DHRS11: variants seen among roughly 807,000 people sequenced by gnomAD.
DHRS11 encodes dehydrogenase/reductase SDR family member 11.
DHRS11 carries 18 observed loss-of-function variants against 30.7 expected under a neutral mutation model. The ratio of observed to expected loss-of-function variants is 0.59; its 90% CI spans 0.41 to 0.87. The LOEUF is 0.87. Among genes scored for constraint, DHRS11 ranks in the 40% least tolerant of loss-of-function variants. The pLI, the probability that DHRS11 is intolerant of heterozygous loss-of-function variation, is 0.00. For synonymous variants in DHRS11, 123 were observed against 139.6 expected (o/e 0.88, Z 0.84); for missense variants, 300 against 349.0 (o/e 0.86, Z 1.12).
chr17:36,597,027 C>G, intron 2 of DHRS11: 2 of 380,566 alleles, frequency 5.3e-6, no homozygotes, highest in South Asian at 2.0e-5. Flanking sequence ...TTATCTGAGT[C>G]TATTAGGATC....
Position 36,598,163 on chromosome 17 carries a change from G to A in DHRS11, c.358G>A (p.Val120Met), listed in dbSNP as rs146450738. The A allele has an allele frequency of 3.0e-5, 49 of 1,613,920 alleles. No individual in the cohort carries two copies. The highest frequency in any genetic ancestry group is 3.9e-5 in the Non-Finnish European group (46 of 1,179,976). ...CCTCATTGCCCTCCCTGGCCTGCAG[G>A]TGAACGTGCTGGCCCTCAGCATCTG... is the stretch of plus-strand genomic sequence containing the variant. ...STSGWKDMFN[V>M]NVLALSICTR... The change falls in exon 3 of 7, where the codon GTG becomes ATG. Residue 120 changes from valine to methionine, a missense_variant and splice_region_variant. Coordinates refer to ENST00000618403, the MANE Select transcript of DHRS11 (RefSeq NM_024308.4).
intron 1 of DHRS11, among the ~76,000 whole-genome samples, chr17:36,593,621 G>A (rs1276977507): frequency 2.0e-5 from 3 of 152,202 alleles, no homozygotes; most frequent in African/African-American, 7.2e-5. Flanking sequence ...TCAAATGTGG[G>A]TAAAATCTGG....
At chr17:36,595,764 G>A (rs187892412) in intron 2 of DHRS11, among the ~76,000 whole-genome samples, 86 of 152,220 alleles carry the variant, frequency 5.6e-4, no homozygotes, top group Non-Finnish European at 1.1e-3. Flanking sequence ...CCTTGTGTTA[G>A]AAGAAAGATT....
chr17:36,599,676 C>A lies in DHRS11; in HGVS notation c.588C>A (p.Ile196=). 6.2e-7 allele frequency: 1 copy of A among 1,614,206 alleles called. No individual in the cohort carries two copies. Among genetic ancestry groups the A allele is most frequent in the South Asian group, 1.1e-5 (1 of 91,084 alleles). Residue 196 remains isoleucine, a synonymous_variant, in exon 5 of 7, where the codon ATC becomes ATA. Coordinates refer to ENST00000618403, the MANE Select transcript of DHRS11 (RefSeq NM_024308.4). ...EAQTHIRATC[I]SPGVVETQFA... ...GGCCCTCTCTGTTGGCCCAGTGCAT[C>A]TCTCCAGGTGTGGTGGAGACACAAT... is the stretch of plus-strand genomic sequence containing the variant.
Position 36,600,680 on chromosome 17 carries a change from A to G in DHRS11, c.*477A>G, listed in dbSNP as rs2074853343. 2 of 204,770 alleles carry G rather than the reference A, an allele frequency of 9.8e-6. No homozygotes were observed. The highest frequency in any genetic ancestry group is 1.0e-5 in the Non-Finnish European group (1 of 100,182). 12.7% of individuals were successfully genotyped at this position (204,770 alleles called of 1,614,324 possible). ...TATCTCCTTCTCGGCTCCCCAGCCC[A>G]GTCTTGGCTTCTTGTCCCCTCCTGG... On this transcript the variant is annotated 3_prime_UTR_variant, in exon 7 of 7. Transcript: ENST00000618403.
Position 36,599,746 on chromosome 17 carries a change from A to G in DHRS11, c.658A>G (p.Thr220Ala). 2 of 1,614,134 alleles carry G rather than the reference A, an allele frequency of 1.2e-6. No homozygotes were observed. Among genetic ancestry groups the G allele is most frequent in the Admixed American group, 1.7e-5 (1 of 60,018 alleles). ...CAAGGACCCTGAGAAGGCAGCTGCC[A>G]CCTATGAGCAAATGAAGGTGGGGCC... ...HDKDPEKAAA[T>A]YEQMKCLKPE... Residue 220 changes from threonine (T) to alanine (A), a missense_variant, in exon 5 of 7, where the codon ACC (threonine) becomes GCC (alanine). By Grantham distance (58) the Thr-to-Ala change is moderately conservative. Coordinates refer to ENST00000618403, the MANE Select transcript of DHRS11 (RefSeq NM_024308.4).
At position 36,592,688 on chromosome 17, in the gene DHRS11, G is replaced by A. The variant is rs930968850; in HGVS notation, c.147+532G>A. 3.3e-5 allele frequency among the ~76,000 whole-genome samples: 5 copies of A among 152,220 alleles called. No individual in the cohort carries two copies. The highest frequency in any genetic ancestry group is 7.3e-5 in the Non-Finnish European group (5 of 68,040). On this transcript the variant is annotated intron_variant, in intron 1 of 6. Coordinates refer to ENST00000618403, the MANE Select transcript of DHRS11 (RefSeq NM_024308.4). The surrounding 1 kb of genome is among the most constrained non-coding windows in gnomAD (Gnocchi z 4.4). ...GGGCCCTCCTCCACTCTCCTGGGGC[G>A]AACAGAGTGGGTGAAATCGGGCGGA...
At chr17:36,599,366 G>A (rs2074837161) in intron 4 of DHRS11, 7 of 553,144 alleles carry the variant, frequency 1.3e-5, no homozygotes, top group East Asian at 6.1e-5. Flanking sequence ...CTTGAAGGCC[G>A]CATGATCGTG....
Position 36,592,187 on chromosome 17 carries a change from G to C in DHRS11, c.147+31G>C. ...GCCGGGCCGAGGGCGGGGACGTCGC[G>C]GGCGGGTCGTTTCCCCGGAGTCGGG... On this transcript the variant is annotated intron_variant, in intron 1 of 6. Transcript: ENST00000618403. This position sits in a 1 kb window ranked among gnomAD's most constrained non-coding sequence, Gnocchi z 4.4. 1.6e-6 allele frequency: 2 copies of C among 1,257,088 alleles called. No homozygotes were observed. Among genetic ancestry groups the C allele is most frequent in the South Asian group, 3.6e-5 (1 of 27,510 alleles). 77.9% of individuals were successfully genotyped at this position (1,257,088 alleles called of 1,614,324 possible).
chr17:36,598,538 G>A, intron 3 of DHRS11: 1 of 542,610 alleles, frequency 1.8e-6, no homozygotes, highest in Non-Finnish European at 3.3e-6. Flanking sequence ...CCACCTCATG[G>A]CACAAAGAGT....
At chr17:36,598,788 G>A in intron 3 of DHRS11, 133 bp from the exon 4 acceptor site, 1 of 1,165,874 alleles carries the variant, frequency 8.6e-7, no homozygotes. Context: ...GCTGTAGGAT[G>A]GCCAGTAGAG....
chr17:36,599,581 C>A, intron 4 of DHRS11, 90 bp from the exon 5 acceptor site: 1 of 1,334,528 alleles, frequency 7.5e-7, no homozygotes, highest in Non-Finnish European at 1.1e-6. Flanking sequence ...CACTGTGAAG[C>A]TGGGGTTCTG....
intron 2 of DHRS11, chr17:36,597,060 TC>T (rs2074816480): frequency 3.0e-6 from 1 of 329,808 alleles, no homozygotes; most frequent in African/African-American, 2.2e-5. Flanking sequence ...ATCTTCTCTT[TC>T]CCTGCCCCTG....
chr17:36,600,503 A>G lies in DHRS11; in HGVS notation c.*300A>G. ...TGTCTTCCCTTTGACATGGGAAAGG[A>G]GTTGTGGCCAAAATCCCCATCTTCT... On this transcript the variant is annotated 3_prime_UTR_variant, in exon 7 of 7. Coordinates refer to ENST00000618403, the MANE Select transcript of DHRS11 (RefSeq NM_024308.4). 3.6e-6 allele frequency: 2 copies of G among 553,414 alleles called. No individual in the cohort carries two copies. The highest frequency in any genetic ancestry group is 3.2e-5 in the Admixed American group (1 of 31,234). 34.3% of individuals were successfully genotyped at this position (553,414 alleles called of 1,614,324 possible). A position where few individuals can be genotyped will look rare whatever the true frequency, so the allele number is the denominator to read the frequency against.
intron 2 of DHRS11, chr17:36,596,773 AGT>A (rs1314785321): frequency 4.2e-6 from 2 of 470,850 alleles, no homozygotes; most frequent in African/African-American, 2.0e-5. Context: ...AGTTGAAAGC[AGT>A]GTGTGAATGG....
intron 1 of DHRS11, 80 bp from the exon 2 acceptor site, chr17:36,594,891 G>T: frequency 6.8e-7 from 1 of 1,462,240 alleles, no homozygotes; most frequent in Non-Finnish European, 9.5e-7. Context: ...TGAGTGTGAC[G>T]GGGGTCGGGG....
chr17:36,599,380 G>C (rs867770189), intron 4 of DHRS11: 16 of 561,442 alleles, frequency 2.8e-5, no homozygotes, highest in East Asian at 1.2e-4. Flanking sequence ...GATCGTGAGC[G>C]AGTCACTGAA....
intron 2 of DHRS11, chr17:36,596,535 A>T (rs8069331): frequency 0.39 from 80,971 of 205,458 alleles, 16,755 homozygotes; most frequent in Middle Eastern, 0.47. Flanking sequence ...CACTAAAATG[A>T]CAGCTCCATG....
chr17:36,597,688 G>A, intron 2 of DHRS11: 2 of 200,548 alleles, frequency 1.0e-5, no homozygotes, highest in Non-Finnish European at 2.0e-5. Context: ...AGGCTAGGCT[G>A]TGTGCCGGAG....
Sources: gnomAD v4.1 joint callset for allele counts (sites outside exome capture counted in the v4.1 genomes callset) on GRCh38, gnomAD v4.1.1 for gene constraint, Gnocchi (gnomAD v3.1) non-coding constraint, MANE v1.5 for transcripts, NCBI Gene and HGNC (gene_info 2026-07-23, HGNC 2026-07-21) for gene names.